CDKN1B: variants seen among roughly 807,000 people sequenced by gnomAD.
CDKN1B encodes cyclin-dependent kinase inhibitor 1B.
Under a neutral mutation model 17.1 loss-of-function variants are expected in CDKN1B, and 7 were observed. The ratio of observed to expected loss-of-function variants is 0.41; its 90% confidence interval spans 0.23 to 0.77. The LOEUF is 0.77. Ranked by LOEUF, CDKN1B falls within the 30% of genes least tolerant of loss-of-function variation. The pLI is 0.33. For synonymous variants in CDKN1B, 149 were observed against 104.3 expected, an observed-to-expected ratio of 1.43 and a Z score of -2.61; for missense variants, 337 against 262.0, an observed-to-expected ratio of 1.29 and a Z score of -1.98.
Position 12,721,923 on chromosome 12 carries a change from G to T in CDKN1B, c.*896G>T, listed in dbSNP as rs1213074709. ...TGTAAGTAACTTCACATTAAAAAATGAAATATTTTTTAATTTAAAGCTTAC... is the reference window on the plus strand; with the variant it reads ...TGTAAGTAACTTCACATTAAAAAATTAAATATTTTTTAATTTAAAGCTTAC... On this transcript the variant is annotated 3_prime_UTR_variant, in exon 3 of 3. Coordinates refer to ENST00000228872, the MANE Select transcript of CDKN1B (RefSeq NM_004064.5). 1 of 152,100 alleles carries T rather than the reference G, an allele frequency of 6.6e-6. No individual in the cohort carries two copies. Among genetic ancestry groups the T allele is most frequent in the Non-Finnish European group, 1.5e-5 (1 of 68,012 alleles). The allele number at this position is 152,100 out of a possible 1,614,324, so 9.4% of individuals were successfully genotyped here.
chr12:12,720,052 G>A (rs932683744), intron 2 of CDKN1B, among the ~76,000 whole-genome samples: 5 of 152,204 alleles, frequency 3.3e-5, no homozygotes, highest in Non-Finnish European at 5.9e-5. Flanking sequence ...CAGGTTTGTT[G>A]TGTCTTTAAA....
chr12:12,717,667 C>A lies in CDKN1B; in HGVS notation c.-173C>A. 6.7e-7 allele frequency: 1 copy of A among 1,502,376 alleles called. No individual in the cohort carries two copies. Among genetic ancestry groups the A allele is most frequent in the Non-Finnish European group, 8.8e-7 (1 of 1,132,868 alleles). The allele number at this position is 1,502,376 out of a possible 1,614,324, so 93.1% of individuals were successfully genotyped here. On this transcript the variant is annotated 5_prime_UTR_variant, in exon 1 of 3. Coordinates refer to ENST00000228872, the MANE Select transcript of CDKN1B (RefSeq NM_004064.5). ...GGCCGGGCCGGGGCTTCCCCGCAGC[C>A]CCTGCGCGCTCCTAGAGCTCGGGCC...
chr12:12,719,232 A>G, intron 2 of CDKN1B: 1 of 432,832 alleles, frequency 2.3e-6, no homozygotes, highest in South Asian at 2.2e-5. Context: ...GAGTCCCACT[A>G]AAACGTGTTG....
chr12:12,719,285 C>T, intron 2 of CDKN1B: 1 of 279,698 alleles, frequency 3.6e-6, no homozygotes, highest in Non-Finnish European at 7.0e-6. Flanking sequence ...AACTAGGGTA[C>T]TCCCTCAGTC....
Position 12,721,966 on chromosome 12 carries a change from A to C in CDKN1B, c.*939A>C, listed in dbSNP as rs2136359545. On this transcript the variant is annotated 3_prime_UTR_variant, in exon 3 of 3. Coordinates refer to ENST00000228872, the MANE Select transcript of CDKN1B (RefSeq NM_004064.5). ...AAGCTTACTCTGTCCATTTATCCAC[A>C]GGAAAGTGTTATTTTTCAAGGAAGG... 6.6e-6 allele frequency: 1 copy of C among 152,376 alleles called. No individual in the cohort carries two copies. The highest frequency in any genetic ancestry group is 3.4e-3 in the Middle Eastern group (1 of 294). 9.4% of individuals were successfully genotyped at this position (152,376 alleles called of 1,614,324 possible).
chr12:12,718,147 C>T lies in CDKN1B; in HGVS notation c.308C>T (p.Ala103Val), dbSNP rs773436050. The part of the protein sequence containing the change: ...RPPKGACKVP[A>V]QESQDVSGSR... Reference sequence around the variant, plus strand: ...CCCAAAGGTGCCTGCAAGGTGCCGGCGCAGGAGAGCCAGGATGTCAGCGGG... The same window carrying T: ...CCCAAAGGTGCCTGCAAGGTGCCGGTGCAGGAGAGCCAGGATGTCAGCGGG... Residue 103 changes from alanine to valine, a missense_variant, in exon 1 of 3, where the codon GCG becomes GTG. Transcript: ENST00000228872. The T allele has an allele frequency of 2.7e-5, 44 of 1,613,924 alleles. 1 individual carries two copies. The South Asian group carries it at 4.5e-4, about 17-fold the overall frequency.
At chr12:12,718,372 G>T (rs897350335) in intron 1 of CDKN1B, 58 bp downstream of exon 1, 6 of 1,460,594 alleles carry the variant, frequency 4.1e-6, no homozygotes, top group South Asian at 2.3e-5. Flanking sequence ...CCTGCTGGAG[G>T]GTGTTAACCT....
In CDKN1B at chr12:12,717,957, G is replaced by A. The variant is rs765527234; in HGVS notation, c.118G>A (p.Glu40Lys). The A allele has an allele frequency of 6.8e-6, 11 of 1,614,242 alleles. No homozygotes were observed. The highest frequency in any genetic ancestry group is 3.3e-5 in the Admixed American group (2 of 60,032). The change falls in exon 1 of 3, where the codon GAG (glutamate) becomes AAG (lysine). Residue 40 changes from glutamate to lysine, a missense_variant. Glu to Lys is a moderately conservative substitution (Grantham distance 56). Transcript: ENST00000228872. Reference sequence around the variant, plus strand: ...CCTCTTCGGCCCGGTGGACCACGAAGAGTTAACCCGGGACTTGGAGAAGCA... The same window carrying A: ...CCTCTTCGGCCCGGTGGACCACGAAAAGTTAACCCGGGACTTGGAGAAGCA... ...RNLFGPVDHE[E>K]LTRDLEKHCR...
rs1253218527 is a variant in CDKN1B at position 12,722,124 on chromosome 12, AATT to A, written c.*1100_*1102del. ...ACATAACTCTGTAAAAACACTGAAAAATTATACTAACTTATTTATGTTAAAAGA... is the reference window on the plus strand; with the variant it reads ...ACATAACTCTGTAAAAACACTGAAAAATACTAACTTATTTATGTTAAAAGA... On this transcript the variant is annotated 3_prime_UTR_variant, in exon 3 of 3. Coordinates refer to ENST00000228872, the MANE Select transcript of CDKN1B (RefSeq NM_004064.5). 6.6e-6 allele frequency: 1 copy of A among 152,526 alleles called. No individual in the cohort carries two copies. The highest frequency in any genetic ancestry group is 1.9e-4 in the East Asian group (1 of 5,202). The allele number at this position is 152,526 out of a possible 1,614,324, so 9.4% of individuals were successfully genotyped here.
At position 12,717,890 on chromosome 12, in the gene CDKN1B, C is replaced by T. The variant is rs552533838; in HGVS notation, c.51C>T (p.Asp17=). Residue 17 remains aspartate, a synonymous_variant, in exon 1 of 3, where the codon GAC becomes GAT. Coordinates refer to ENST00000228872, the MANE Select transcript of CDKN1B (RefSeq NM_004064.5). The part of the protein sequence containing the change: ...SNGSPSLERM[D]ARQAEHPKPS... ...GGAGCCCTAGCCTGGAGCGGATGGA[C>T]GCCAGGCAGGCGGAGCACCCCAAGC... The T allele has an allele frequency of 2.5e-6, 4 of 1,614,000 alleles. No homozygotes were observed. The highest frequency in any genetic ancestry group is 1.1e-5 in the South Asian group (1 of 91,086).
In CDKN1B at chr12:12,717,397, T is replaced by G; in HGVS notation, c.-443T>G. 2.6e-6 allele frequency: 3 copies of G among 1,174,416 alleles called. No individual in the cohort carries two copies. Among genetic ancestry groups the G allele is most frequent in the Non-Finnish European group, 3.2e-6 (3 of 943,370 alleles). 72.7% of individuals were successfully genotyped at this position (1,174,416 alleles called of 1,614,324 possible). Reference sequence around the variant, plus strand: ...TTCGTCAGCCTCCCTTCCACCGCCATATTGGGCCACTAAAAAAAGGGGGCT... The same window carrying G: ...TTCGTCAGCCTCCCTTCCACCGCCAGATTGGGCCACTAAAAAAAGGGGGCT... On this transcript the variant is annotated 5_prime_UTR_variant, in exon 1 of 3. Transcript: ENST00000228872.
In CDKN1B at chr12:12,718,257, A is replaced by C. The variant is rs1267240858; in HGVS notation, c.418A>C (p.Ser140Arg). ...GGACCCAAAGACTGATCCGTCGGAC[A>C]GCCAGACGGGGTTAGCGGAGCAATG... is the stretch of plus-strand genomic sequence containing the variant. Reference protein sequence around the residue: ...LVDPKTDPSDSQTGLAEQCAG... With the variant: ...LVDPKTDPSDRQTGLAEQCAG... Residue 140 changes from serine to arginine, a missense_variant, in exon 1 of 3, where the codon AGC becomes CGC. Ser to Arg is a moderately radical substitution (Grantham distance 110). Coordinates refer to ENST00000228872, the MANE Select transcript of CDKN1B (RefSeq NM_004064.5). The C allele has an allele frequency of 6.2e-7, 1 of 1,610,206 alleles. No homozygotes were observed. Among genetic ancestry groups the C allele is most frequent in the Non-Finnish European group, 8.5e-7 (1 of 1,179,920 alleles).
chr12:12,720,187 TGCGCA>T (rs1235563420), intron 2 of CDKN1B, among the ~76,000 whole-genome samples: 2 of 144,208 alleles, frequency 1.4e-5, no homozygotes, highest in Non-Finnish European at 3.1e-5. Flanking sequence ...AACCTTAACA[TGCGCA>T]GCCCTTGTTG....
Position 12,717,583 on chromosome 12 carries a change from G to C in CDKN1B, c.-257G>C, listed in dbSNP as rs897088250. On this transcript the variant is annotated 5_prime_UTR_variant, in exon 1 of 3. Coordinates refer to ENST00000228872, the MANE Select transcript of CDKN1B (RefSeq NM_004064.5). Reference sequence around the variant, plus strand: ...GCTTTGCCACCCTCTCCGCTTGCCTGGTCCCCTCTCCTCTCCGCCCTCCCG... The same window carrying C: ...GCTTTGCCACCCTCTCCGCTTGCCTCGTCCCCTCTCCTCTCCGCCCTCCCG... 1.4e-6 allele frequency: 2 copies of C among 1,425,548 alleles called. No individual in the cohort carries two copies. Among genetic ancestry groups the C allele is most frequent in the African/African-American group, 1.4e-5 (1 of 69,436 alleles). The allele number at this position is 1,425,548 out of a possible 1,614,324, so 88.3% of individuals were successfully genotyped here.
chr12:12,717,884 G>A lies in CDKN1B; in HGVS notation c.45G>A (p.Arg15=). 10 of 1,614,026 alleles carry A rather than the reference G, an allele frequency of 6.2e-6. No homozygotes were observed. The highest frequency in any genetic ancestry group is 8.5e-6 in the Non-Finnish European group (10 of 1,180,042). Residue 15 remains arginine, a synonymous_variant, in exon 1 of 3, where the codon CGG becomes CGA. Coordinates refer to ENST00000228872, the MANE Select transcript of CDKN1B (RefSeq NM_004064.5). ...CTAACGGGAGCCCTAGCCTGGAGCG[G>A]ATGGACGCCAGGCAGGCGGAGCACC... ...RVSNGSPSLE[R]MDARQAEHPK...
intron 1 of CDKN1B, 106 bp from the exon 2 acceptor site, chr12:12,718,719 G>T (rs544310201): frequency 8.0e-7 from 1 of 1,257,004 alleles, no homozygotes; most frequent in East Asian, 2.3e-5. Context: ...ATTGTGGGTG[G>T]AGGTAGTGGG....
At chr12:12,720,758 C>G (rs931636166) in intron 2 of CDKN1B, among the ~76,000 whole-genome samples, 8 of 152,146 alleles carry the variant, frequency 5.3e-5, no homozygotes, top group African/African-American at 1.9e-4. Context: ...GTGTGACAAC[C>G]TAAAATGTCT....
Position 12,717,669 on chromosome 12 carries a change from C to G in CDKN1B, c.-171C>G, listed in dbSNP as rs968159359. 6.6e-7 allele frequency: 1 copy of G among 1,504,132 alleles called. No individual in the cohort carries two copies. Among genetic ancestry groups the G allele is most frequent in the African/African-American group, 1.4e-5 (1 of 71,462 alleles). 93.2% of individuals were successfully genotyped at this position (1,504,132 alleles called of 1,614,324 possible). A position where few individuals can be genotyped will look rare whatever the true frequency, so the allele number is the denominator to read the frequency against. On this transcript the variant is annotated 5_prime_UTR_variant, in exon 1 of 3. Transcript: ENST00000228872. ...CCGGGCCGGGGCTTCCCCGCAGCCC[C>G]TGCGCGCTCCTAGAGCTCGGGCCGT...
chr12:12,718,259 C>T lies in CDKN1B; in HGVS notation c.420C>T (p.Ser140=), dbSNP rs965015279. ...ACCCAAAGACTGATCCGTCGGACAG[C>T]CAGACGGGGTTAGCGGAGCAATGCG... ...LVDPKTDPSD[S]QTGLAEQCAG... is the part of the protein sequence containing the mutation. Residue 140 remains serine, a synonymous_variant, in exon 1 of 3, where the codon AGC becomes AGT. Coordinates refer to ENST00000228872, the MANE Select transcript of CDKN1B (RefSeq NM_004064.5). The T allele has an allele frequency of 5.0e-6, 8 of 1,609,978 alleles. No individual in the cohort carries two copies. The highest frequency in any genetic ancestry group is 2.7e-5 in the African/African-American group (2 of 74,932).
Sources: allele counts gnomAD v4.1 joint callset (sites outside exome capture counted in the v4.1 genomes callset), GRCh38; gene constraint gnomAD v4.1.1; transcripts MANE v1.5; gene names NCBI Gene and HGNC (gene_info 2026-07-23, HGNC 2026-07-21).